Variants in MARCHF8 observed in about 807,000 individuals in gnomAD.
MARCHF8 encodes the protein membrane associated ring-CH-type finger 8.
MARCHF8 carries 40 observed loss-of-function variants against 51.6 expected under a neutral mutation model. The ratio of observed to expected loss-of-function variants is 0.77; its 90% confidence interval spans 0.60 to 1.01. The LOEUF (loss-of-function observed/expected upper bound fraction) is 1.01, where lower values mean the gene tolerates loss of function less well. Ranked by LOEUF, MARCHF8 falls within the 50% of genes least tolerant of loss-of-function variation. The pLI is 0.00. For missense variants in MARCHF8, 685 were observed against 708.6 expected (o/e 0.97, Z 0.38); for synonymous variants, 263 against 280.3 (o/e 0.94, Z 0.62).
intron 1 of MARCHF8, among the ~76,000 whole-genome samples, chr10:45,581,051 G>A (rs1025148281): frequency 7.2e-5 from 11 of 152,156 alleles, no homozygotes; most frequent in African/African-American, 2.6e-4. Context: ...GGAGAAACCA[G>A]ACAAGAGTAG....
chr10:45,486,909 A>T (rs1165061145), intron 3 of MARCHF8, among the ~76,000 whole-genome samples: 1 of 149,642 alleles, frequency 6.7e-6, no homozygotes, highest in East Asian at 2.0e-4. Context: ...TCCCAGGTTC[A>T]AGCGATTCTC....
intron 3 of MARCHF8, among the ~76,000 whole-genome samples, chr10:45,466,867 T>C (rs1055870478): frequency 6.6e-6 from 1 of 152,208 alleles, no homozygotes; most frequent in African/African-American, 2.4e-5. Flanking sequence ...ATGCCCATGA[T>C]GAGGAGCAAG....
intron 1 of MARCHF8, among the ~76,000 whole-genome samples, chr10:45,581,640 C>T (rs978735495): frequency 6.6e-6 from 1 of 152,144 alleles, no homozygotes; most frequent in African/African-American, 2.4e-5. Context: ...ATCAAAATTG[C>T]CCAGACTGGT....
chr10:45,500,019 T>C (rs1421371450), intron 2 of MARCHF8, among the ~76,000 whole-genome samples: 9 of 152,218 alleles, frequency 5.9e-5, no homozygotes, highest in African/African-American at 2.2e-4. Context: ...ACAGATTGAT[T>C]TGGGCAGTAC....
At chr10:45,574,772 A>C (rs994090708) in intron 1 of MARCHF8, among the ~76,000 whole-genome samples, 5 of 152,128 alleles carry the variant, frequency 3.3e-5, no homozygotes, top group African/African-American at 9.7e-5. Context: ...CACTCTCTAC[A>C]GTTCTCATAA....
chr10:45,501,470 T>G (rs939164135), intron 2 of MARCHF8, among the ~76,000 whole-genome samples: 8 of 152,168 alleles, frequency 5.3e-5, no homozygotes, highest in Non-Finnish European at 7.4e-5. Flanking sequence ...AACTTTGACT[T>G]GAGTCTCAAA....
intron 2 of MARCHF8, among the ~76,000 whole-genome samples, chr10:45,504,385 G>C (rs113970147): frequency 6.6e-6 from 1 of 152,126 alleles, no homozygotes; most frequent in South Asian, 2.1e-4. Context: ...CGGAGGTTGC[G>C]GTGAGCCGAG....
intron 3 of MARCHF8, among the ~76,000 whole-genome samples, chr10:45,484,381 G>A (rs757184776): frequency 6.6e-6 from 1 of 150,978 alleles, no homozygotes; most frequent in Non-Finnish European, 1.5e-5. Context: ...AGGACCCTGC[G>A]GTGAGGTGAA....
chr10:45,592,537 T>G (rs1038287286), intron 1 of MARCHF8, among the ~76,000 whole-genome samples: 5 of 152,188 alleles, frequency 3.3e-5, no homozygotes. Context: ...AGCAATATTT[T>G]TAACTTGCTT....
At chr10:45,482,670 G>C (rs1433554970) in intron 3 of MARCHF8, among the ~76,000 whole-genome samples, 1 of 152,156 alleles carries the variant, frequency 6.6e-6, no homozygotes, top group Non-Finnish European at 1.5e-5. Context: ...AGGGAGAATT[G>C]CTTGAACCCA....
chr10:45,571,355 C>A (rs893355608), intron 1 of MARCHF8, among the ~76,000 whole-genome samples: 1 of 152,164 alleles, frequency 6.6e-6, no homozygotes, highest in Non-Finnish European at 1.5e-5. Context: ...AAAGCTCCCC[C>A]ACTGAGCACC....
chr10:45,542,345 C>CAAAAAAA (rs60776762), intron 1 of MARCHF8, among the ~76,000 whole-genome samples: 8 of 48,990 alleles, frequency 1.6e-4, no homozygotes, highest in African/African-American at 5.0e-4. Context: ...GACTTCGTCT[C>CAAAAAAA]AAAAAAAAAA....
chr10:45,525,430 A>T, intron 2 of MARCHF8, among the ~76,000 whole-genome samples: 1 of 152,188 alleles, frequency 6.6e-6, no homozygotes, highest in Non-Finnish European at 1.5e-5. Flanking sequence ...TCCCTTTATC[A>T]AGGAGGACAG....
intron 1 of MARCHF8, among the ~76,000 whole-genome samples, chr10:45,561,330 A>G (rs1184345367): frequency 6.7e-6 from 1 of 149,740 alleles, no homozygotes; most frequent in Admixed American, 6.6e-5. Context: ...GCTGGAGTGC[A>G]GTGGCATGAT....
intron 3 of MARCHF8, among the ~76,000 whole-genome samples, chr10:45,485,231 G>A (rs1010318861): frequency 6.6e-6 from 1 of 152,318 alleles, no homozygotes; most frequent in East Asian, 1.9e-4. Flanking sequence ...TACATGTGGG[G>A]TGAAGGTGCA....
At chr10:45,523,407 C>T (rs1739901266) in intron 2 of MARCHF8, among the ~76,000 whole-genome samples, 1 of 152,068 alleles carries the variant, frequency 6.6e-6, no homozygotes, top group African/African-American at 2.4e-5. Context: ...GCCTATAGTC[C>T]CAGCTATTCA....
chr10:45,504,499 C>T (rs924273600), intron 2 of MARCHF8, among the ~76,000 whole-genome samples: 2 of 151,742 alleles, frequency 1.3e-5, no homozygotes, highest in Non-Finnish European at 2.9e-5. Context: ...CTGTGCTATA[C>T]ACCTTGTTTT....
intron 2 of MARCHF8, among the ~76,000 whole-genome samples, chr10:45,492,383 C>T (rs913236780): frequency 1.4e-4 from 21 of 151,970 alleles, no homozygotes; most frequent in African/African-American, 2.4e-4. Flanking sequence ...CTGCACGCTC[C>T]GCCTCCCAGG....
intron 2 of MARCHF8, among the ~76,000 whole-genome samples, chr10:45,495,937 C>G (rs1478550097): frequency 6.6e-6 from 1 of 152,028 alleles, no homozygotes; most frequent in Non-Finnish European, 1.5e-5. Context: ...AATGACTCAT[C>G]ATATTCTCCA....
Sources: allele counts gnomAD v4.1 joint callset (sites outside exome capture counted in the v4.1 genomes callset), GRCh38; gene constraint gnomAD v4.1.1; transcripts MANE v1.5; gene names NCBI Gene and HGNC (gene_info 2026-07-23, HGNC 2026-07-21).